SAMD12: variants seen among roughly 807,000 people sequenced by gnomAD.
The protein encoded by SAMD12 is sterile alpha motif domain containing 12, also known as sterile alpha motif domain-containing protein 12.
SAMD12 carries 9 observed loss-of-function variants against 15.0 expected under a neutral mutation model. The ratio of observed to expected loss-of-function variants is 0.60; its 90% CI spans 0.36 to 1.05. The LOEUF (loss-of-function observed/expected upper bound fraction) is 1.05. SAMD12 is among the 50% of genes least tolerant of loss of function. The pLI is 0.01. For synonymous variants in SAMD12, 86 were observed against 90.1 expected, an observed-to-expected ratio of 0.96 and a Z score of 0.25; for missense variants, 230 against 234.2, an observed-to-expected ratio of 0.98 and a Z score of 0.12.
chr8:118,447,277 T>C (rs987344951), intron 2 of SAMD12, among the ~76,000 whole-genome samples: 1 of 152,118 alleles, frequency 6.6e-6, no homozygotes, highest in Admixed American at 6.6e-5. Context: ...TCCTGTTCTT[T>C]CCTTCCTTCC....
intron 4 of SAMD12, among the ~76,000 whole-genome samples, chr8:118,292,615 A>G (rs952714550): frequency 3.9e-5 from 6 of 151,914 alleles, no homozygotes; most frequent in Admixed American, 1.3e-4. Context: ...TGTTTATTGC[A>G]GCATTATTCA....
At chr8:118,396,871 A>T (rs1286485780) in intron 3 of SAMD12, among the ~76,000 whole-genome samples, 2 of 152,208 alleles carry the variant, frequency 1.3e-5, no homozygotes, top group African/African-American at 4.8e-5. Flanking sequence ...TAACAGGAAG[A>T]TACTCAGAGA....
At chr8:118,250,132 C>T (rs1812785634) in intron 4 of SAMD12, among the ~76,000 whole-genome samples, 1 of 152,066 alleles carries the variant, frequency 6.6e-6, no homozygotes, top group East Asian at 1.9e-4. Context: ...GGAGAGTGGT[C>T]TGCGTGGGTA....
At chr8:118,152,640 AG>A in the SAMD12 span, among the ~76,000 whole-genome samples, 1 of 152,092 alleles carries the variant, frequency 6.6e-6, no homozygotes, top group Non-Finnish European at 1.5e-5. Context: ...CTGGGACTAC[AG>A]GCGTGCACCA....
chr8:118,418,334 C>CG (rs1257117678), intron 3 of SAMD12, among the ~76,000 whole-genome samples: 1 of 152,090 alleles, frequency 6.6e-6, no homozygotes, highest in Non-Finnish European at 1.5e-5. Flanking sequence ...CCTAGCCTTT[C>CG]TTTTTAAATG....
chr8:118,187,075 C>G (rs1394186775), downstream of SAMD12, among the ~76,000 whole-genome samples: 2 of 152,104 alleles, frequency 1.3e-5, no homozygotes, highest in African/African-American at 4.8e-5. Context: ...TTGGGTTACA[C>G]TACTAAAAGG....
chr8:118,483,317 G>A (rs1824182450), intron 2 of SAMD12, among the ~76,000 whole-genome samples: 1 of 152,196 alleles, frequency 6.6e-6, no homozygotes. Context: ...GCATTAACAT[G>A]TACTTTTTAT....
intron 4 of SAMD12, among the ~76,000 whole-genome samples, chr8:118,255,076 C>T (rs1420875970): frequency 6.6e-6 from 1 of 152,050 alleles, no homozygotes; most frequent in African/African-American, 2.4e-5. Flanking sequence ...CACAGAATCA[C>T]TTTCAAATCC....
intron 2 of SAMD12, among the ~76,000 whole-genome samples, chr8:118,455,155 T>C (rs1823207595): frequency 1.3e-5 from 2 of 152,102 alleles, no homozygotes; most frequent in Non-Finnish European, 2.9e-5. Context: ...AGGTTGCTAA[T>C]TCCAGTGTTA....
chr8:118,354,752 T>C (rs1467661741), intron 4 of SAMD12, among the ~76,000 whole-genome samples: 1 of 152,214 alleles, frequency 6.6e-6, no homozygotes, highest in East Asian at 1.9e-4. Flanking sequence ...GAGCACTTAA[T>C]TATATATGGC....
rs1036656026 is a variant in SAMD12, at chr8:118,503,680, G to T, written c.193-63719C>A. ...AGCGCCACCTGGAGTCAGGAGAAGG[G>T]ATTACAACTCTGCCTCCATCTCCCT... On this transcript the variant is annotated intron_variant, in intron 2 of 3. Transcript: ENST00000314727. Among the ~76,000 whole-genome samples the T allele has an allele frequency of 2.0e-5, 3 of 152,222 alleles. No individual in the cohort carries two copies. The South Asian group carries it at 6.2e-4, about 32-fold the overall frequency.
At chr8:118,335,489 G>A (rs1051559859) in intron 4 of SAMD12, among the ~76,000 whole-genome samples, 1 of 152,138 alleles carries the variant, frequency 6.6e-6, no homozygotes, top group African/African-American at 2.4e-5. Flanking sequence ...AGAATTTTCA[G>A]GAACTACTGA....
chr8:118,592,686 A>T (rs538820400), intron 1 of SAMD12, among the ~76,000 whole-genome samples: 1 of 152,330 alleles, frequency 6.6e-6, no homozygotes, highest in African/African-American at 2.4e-5. Flanking sequence ...AATGATATTG[A>T]TTTCTTCAAA....
chr8:118,255,202 C>T (rs546932083), intron 4 of SAMD12, among the ~76,000 whole-genome samples: 3 of 152,048 alleles, frequency 2.0e-5, no homozygotes, highest in South Asian at 2.1e-4. Flanking sequence ...GTGGACCTTA[C>T]CCTTTATTTC....
At chr8:118,318,349 T>C (rs1257759755) in intron 4 of SAMD12, among the ~76,000 whole-genome samples, 8 of 85,126 alleles carry the variant, frequency 9.4e-5, no homozygotes, top group East Asian at 5.5e-4. Context: ...TATATATATA[T>C]ATATATACAT....
At chr8:118,159,918 C>T in the SAMD12 span, among the ~76,000 whole-genome samples, 7 of 151,984 alleles carry the variant, frequency 4.6e-5, no homozygotes, top group African/African-American at 7.2e-5. Context: ...CAGGGTTTCA[C>T]TATGTTGGCC....
the SAMD12 span, among the ~76,000 whole-genome samples, chr8:118,175,178 T>C: frequency 5.3e-5 from 8 of 151,724 alleles, no homozygotes; most frequent in Non-Finnish European, 1.2e-4. Context: ...AACTCAGAAA[T>C]AAAGCTGCAC....
intron 4 of SAMD12, among the ~76,000 whole-genome samples, chr8:118,363,921 G>A (rs1315668747): frequency 2.0e-5 from 3 of 152,176 alleles, no homozygotes; most frequent in African/African-American, 7.2e-5. Context: ...GTGTACACAG[G>A]TCCACAATCA....
chr8:118,619,733 T>C (rs1338825191), intron 1 of SAMD12, among the ~76,000 whole-genome samples: 4 of 151,972 alleles, frequency 2.6e-5, no homozygotes, highest in South Asian at 2.1e-4. Context: ...TTAAGTATGA[T>C]AAGTATTAAG....
Sources: allele counts gnomAD v4.1 joint callset (sites outside exome capture counted in the v4.1 genomes callset), GRCh38; gene constraint gnomAD v4.1.1; transcripts MANE v1.5; gene names NCBI Gene and HGNC (gene_info 2026-07-23, HGNC 2026-07-21).